Variants in ZNF366 observed in about 807,000 individuals in gnomAD.
ZNF366 encodes the protein zinc finger protein 366, also known as dendritic cell-specific transcript protein.
In ZNF366, 20 loss-of-function variants were observed where a neutral mutation model predicts 47.2. The ratio of observed to expected loss-of-function variants is 0.42; its 90% CI spans 0.30 to 0.62. ZNF366 has a LOEUF of 0.62. Among genes scored for constraint, ZNF366 ranks in the 20% least tolerant of loss-of-function variants. ZNF366 has a pLI of 0.16. For missense variants in ZNF366, 987 were observed against 976.3 expected (o/e 1.01, Z -0.15); for synonymous variants, 421 against 395.1 (o/e 1.07, Z -0.78).
chr5:72,479,413 T>A (rs28562096), intron 1 of ZNF366, among the ~76,000 whole-genome samples: 1 of 151,388 alleles, frequency 6.6e-6, no homozygotes, highest in South Asian at 2.1e-4. Context: ...TTAAAAAAAT[T>A]AAAAAATTAA....
chr5:72,478,516 C>T (rs574501935), intron 1 of ZNF366, among the ~76,000 whole-genome samples: 6 of 152,206 alleles, frequency 3.9e-5, no homozygotes, highest in Non-Finnish European at 7.3e-5. Context: ...TTTGCCTGTA[C>T]ATCTTTCATT....
At chr5:72,463,034 C>T (rs1011848260) in intron 1 of ZNF366, among the ~76,000 whole-genome samples, 3 of 152,204 alleles carry the variant, frequency 2.0e-5, no homozygotes, top group African/African-American at 7.2e-5. Flanking sequence ...GATGTAGGGC[C>T]ACTGGAGATA....
At chr5:72,470,339 A>T (rs975774224) in intron 1 of ZNF366, among the ~76,000 whole-genome samples, 1 of 152,178 alleles carries the variant, frequency 6.6e-6, no homozygotes, top group Non-Finnish European at 1.5e-5. Flanking sequence ...TTGACATTTC[A>T]TTGGCTGTAT....
chr5:72,456,385 C>T lies in ZNF366; in HGVS notation c.1524+19G>A, dbSNP rs765592591. On this transcript the variant is annotated intron_variant, in intron 3 of 4. Coordinates refer to ENST00000318442, the MANE Select transcript of ZNF366 (RefSeq NM_152625.3). ...GCATTTGCACAACCCTCTGGTTCCT[C>T]TCTAGTCCCACTGCCCACCTTGCAT... 6.3e-7 allele frequency: 1 copy of T among 1,589,294 alleles called. No individual in the cohort carries two copies. The highest frequency in any genetic ancestry group is 1.1e-5 in the South Asian group (1 of 88,086).
rs1343147117 is a variant in ZNF366 at position 72,507,313 on chromosome 5, G to A, written c.-77C>T. On this transcript the variant is annotated 5_prime_UTR_variant, in exon 1 of 5. Transcript: ENST00000318442. ...CCTTTACCTGATCCCTGCTCTCTCT[G>A]TCTCTCTCCCTCTCTCTCTCCCTCT... The A allele has an allele frequency of 6.1e-6, 6 of 985,336 alleles. No individual in the cohort carries two copies. The highest frequency in any genetic ancestry group is 7.2e-6 in the Non-Finnish European group (6 of 830,030). The allele number at this position is 985,336 out of a possible 1,614,324, so 61.0% of individuals were successfully genotyped here.
rs1488801793 is a variant in ZNF366, at chr5:72,477,321, C to T, written c.-14-15811G>A. ...CAGAATATTGGAAAATATCCAGTGG[C>T]ACTGATCCAAGCGTCTACATTAAGT... On this transcript the variant is annotated intron_variant, in intron 1 of 4. Transcript: ENST00000318442. 2.6e-5 allele frequency among the ~76,000 whole-genome samples: 4 copies of T among 152,278 alleles called. No homozygotes were observed. The East Asian group carries it at 5.8e-4, about 22-fold the overall frequency.
At chr5:72,468,008 C>T (rs1382647881) in intron 1 of ZNF366, among the ~76,000 whole-genome samples, 8 of 152,098 alleles carry the variant, frequency 5.3e-5, no homozygotes, top group Admixed American at 5.2e-4. Flanking sequence ...AAAAGATCTC[C>T]TAGTGAGGGT....
rs201264050 is a variant in ZNF366, at chr5:72,463,293, G to T, written c.-14-1783C>A. ...TTAAAACAAAAATGAGCCTTTTTTTGTTTGGTTACCTAGTCTATATACAGA... is the reference window on the plus strand; with the variant it reads ...TTAAAACAAAAATGAGCCTTTTTTTTTTTGGTTACCTAGTCTATATACAGA... On this transcript the variant is annotated intron_variant, in intron 1 of 4. Transcript: ENST00000318442. Among the ~76,000 whole-genome samples the T allele has an allele frequency of 3.9e-5, 6 of 152,056 alleles. No individual in the cohort carries two copies. The East Asian group carries it at 9.7e-4, about 24-fold the overall frequency.
intron 1 of ZNF366, among the ~76,000 whole-genome samples, chr5:72,494,762 T>G (rs1010809819): frequency 6.6e-6 from 1 of 152,090 alleles, no homozygotes; most frequent in Non-Finnish European, 1.5e-5. Context: ...CATATCATGG[T>G]AATTAGAGGT....
Position 72,466,800 on chromosome 5 carries a change from A to G in ZNF366, c.-14-5290T>C, listed in dbSNP as rs967280725. On this transcript the variant is annotated intron_variant, in intron 1 of 4. Transcript: ENST00000318442. The stretch of plus-strand genomic sequence containing the variant: ...TAAGTTATTAGGTAGTTATGAAAAG[A>G]ACTTGATACACACGCTTTGTGTGAG... Among the ~76,000 whole-genome samples the G allele has an allele frequency of 1.6e-4, 24 of 152,232 alleles. 1 individual carries two copies. Among genetic ancestry groups the G allele is most frequent in the Non-Finnish European group, 1.5e-5 (1 of 68,048 alleles).
In ZNF366 at chr5:72,442,250, T is replaced by C. The variant is rs945224410; in HGVS notation, c.*1506A>G. 1 of 152,224 alleles carries C rather than the reference T, an allele frequency of 6.6e-6. No individual in the cohort carries two copies. The highest frequency in any genetic ancestry group is 2.4e-5 in the African/African-American group (1 of 41,446). 9.4% of individuals were successfully genotyped at this position (152,224 alleles called of 1,614,324 possible). The stretch of plus-strand genomic sequence containing the variant: ...CTGAGGCTAGGAACAGAAATACTTA[T>C]GAAGTCTCTGGGAAGTGTCCTGGAA... On this transcript the variant is annotated 3_prime_UTR_variant, in exon 5 of 5. Coordinates refer to ENST00000318442, the MANE Select transcript of ZNF366 (RefSeq NM_152625.3).
In ZNF366 at chr5:72,465,815, C is replaced by T. The variant is rs1468966491; in HGVS notation, c.-14-4305G>A. Among the ~76,000 whole-genome samples the T allele has an allele frequency of 2.0e-5, 3 of 152,170 alleles. No homozygotes were observed. In the South Asian group the frequency reaches 6.2e-4, roughly 32 times the overall value. ...TAATGGAAAGAGCGTTGGTTTGGAG[C>T]CTGAAAGTCTAGGTTTGAATGTTGG... On this transcript the variant is annotated intron_variant, in intron 1 of 4. Transcript: ENST00000318442.
chr5:72,501,671 A>C (rs1049521118), intron 1 of ZNF366, among the ~76,000 whole-genome samples: 4 of 152,212 alleles, frequency 2.6e-5, no homozygotes, highest in Admixed American at 2.0e-4. Flanking sequence ...GCCTTTGCCT[A>C]TAACAAACCA....
chr5:72,458,331 T>C lies in ZNF366; in HGVS notation c.1333-1736A>G, dbSNP rs369333295. ...GCGCCCGGCCAGCATCTTTCTTCTCTCAAGATTTTCTCTGGGCTTGGATCT... is the reference window on the plus strand; with the variant it reads ...GCGCCCGGCCAGCATCTTTCTTCTCCCAAGATTTTCTCTGGGCTTGGATCT... On this transcript the variant is annotated intron_variant, in intron 2 of 4. Transcript: ENST00000318442. Among the ~76,000 whole-genome samples the C allele has an allele frequency of 4.6e-5, 7 of 152,174 alleles. No individual in the cohort carries two copies. The East Asian group carries it at 9.6e-4, about 21-fold the overall frequency.
chr5:72,507,151 G>A (rs1275522544), intron 1 of ZNF366, 100 bp downstream of exon 1: 2 of 898,704 alleles, frequency 2.2e-6, no homozygotes, highest in African/African-American at 3.6e-5. Flanking sequence ...CTTTGGTTAA[G>A]GACTACTCCC....
intron 1 of ZNF366, among the ~76,000 whole-genome samples, chr5:72,477,703 T>A (rs765949051): frequency 2.0e-5 from 3 of 152,176 alleles, no homozygotes; most frequent in African/African-American, 7.2e-5. Flanking sequence ...ATAAATGACT[T>A]ATCTACGGTC....
intron 3 of ZNF366, among the ~76,000 whole-genome samples, chr5:72,452,935 GGAAAAACTCCAGCTGGCTCCAA>G (rs1743104171): frequency 1.3e-5 from 2 of 152,108 alleles, no homozygotes; most frequent in Admixed American, 1.3e-4. Flanking sequence ...GCAGATCTCT[GGAAAAACTCCAGCTGGCTCCAA>G]GAAGCACGAG....
intron 1 of ZNF366, chr5:72,493,754 T>A (rs1480699188): frequency 6.6e-6 from 1 of 151,810 alleles, no homozygotes; most frequent in African/African-American, 2.4e-5. Flanking sequence ...ACATTAAACA[T>A]TTTTTTTCTT....
chr5:72,445,894 C>A (rs1166411507), intron 4 of ZNF366, among the ~76,000 whole-genome samples: 1 of 152,194 alleles, frequency 6.6e-6, no homozygotes, highest in African/African-American at 2.4e-5. Flanking sequence ...GGCTTTTGCA[C>A]AAACTCCAGC....
Sources: gnomAD v4.1 joint callset for allele counts (sites outside exome capture counted in the v4.1 genomes callset) on GRCh38, gnomAD v4.1.1 for gene constraint, MANE v1.5 for transcripts, NCBI Gene and HGNC (gene_info 2026-07-23, HGNC 2026-07-21) for gene names.